The following HUNK variants were observed in gnomAD, a reference collection of about 807,000 sequenced individuals.
HUNK encodes hormonally up-regulated neu tumor-associated kinase.
HUNK carries 21 observed loss-of-function variants against 61.0 expected under a neutral mutation model. The ratio of observed to expected loss-of-function variants is 0.34; its 90% CI spans 0.24 to 0.50. The LOEUF is 0.50. Ranked by LOEUF, HUNK falls within the 20% of genes least tolerant of loss-of-function variation. The pLI is 0.98. For missense variants in HUNK, 772 were observed against 945.7 expected, an observed-to-expected ratio of 0.82 and a Z score of 2.41; for synonymous variants, 371 against 386.1, an observed-to-expected ratio of 0.96 and a Z score of 0.46.
intron 1 of HUNK, among the ~76,000 whole-genome samples, chr21:31,902,450 C>T (rs1055225408): frequency 4.6e-5 from 7 of 152,036 alleles, no homozygotes; most frequent in Non-Finnish European, 8.8e-5. Flanking sequence ...ACGGAGGTTG[C>T]GGTGAGCCAA....
Position 31,873,702 on chromosome 21 carries a change from C to G in HUNK, c.28C>G (p.Leu10Val). Reference protein sequence around the residue: MPAAAGDGLLGEPAAPGGGG... With the variant: MPAAAGDGLVGEPAAPGGGG... ...GCCGGCGGCGGCGGGGGACGGGCTCCTGGGGGAGCCGGCGGCGCCTGGGGG... is the reference window on the plus strand; with the variant it reads ...GCCGGCGGCGGCGGGGGACGGGCTCGTGGGGGAGCCGGCGGCGCCTGGGGG... Residue 10 changes from leucine to valine, a missense_variant, in exon 1 of 11, where the codon CTG (leucine) becomes GTG (valine). Leu to Val is a conservative substitution (Grantham distance 32). This residue lies in a region of HUNK where 359 missense variants were observed against 501.3 expected (regional missense o/e 0.72). Coordinates refer to ENST00000270112, the MANE Select transcript of HUNK (RefSeq NM_014586.2). The surrounding 1 kb of genome is among the most constrained non-coding windows in gnomAD (Gnocchi z 6.1). 8.8e-7 allele frequency: 1 copy of G among 1,141,204 alleles called. No homozygotes were observed. The highest frequency in any genetic ancestry group is 1.1e-6 in the Non-Finnish European group (1 of 932,098). The allele number at this position is 1,141,204 out of a possible 1,614,324, so 70.7% of individuals were successfully genotyped here.
intron 1 of HUNK, among the ~76,000 whole-genome samples, chr21:31,890,922 T>G (rs991590770): frequency 4.6e-5 from 7 of 152,190 alleles, no homozygotes; most frequent in African/African-American, 1.2e-4. Context: ...CTTATTGGTT[T>G]ATAGAAACTC....
intron 1 of HUNK, among the ~76,000 whole-genome samples, chr21:31,920,030 G>A (rs2052612905): frequency 6.6e-6 from 1 of 152,182 alleles, no homozygotes; most frequent in East Asian, 1.9e-4. Context: ...AAAAAGTATT[G>A]GCAGGGCCAC....
In HUNK at chr21:31,998,881, T is replaced by G; in HGVS notation, c.1842T>G (p.Pro614=). 6.2e-7 allele frequency: 1 copy of G among 1,614,174 alleles called. No homozygotes were observed. Among genetic ancestry groups the G allele is most frequent in the Non-Finnish European group, 8.5e-7 (1 of 1,180,030 alleles). Residue 614 remains proline, a synonymous_variant, in exon 11 of 11, where the codon CCT becomes CCG. Transcript: ENST00000270112. ...PSGSMSPLHT[P]LHPTLVSFAH... is the part of the protein sequence containing the mutation. ...GAAGCATGTCGCCTCTCCATACTCC[T>G]TTGCATCCAACTCTGGTCTCTTTTG...
chr21:31,974,512 T>G, intron 6 of HUNK, 43 bp from the exon 7 acceptor site: 1 of 1,567,124 alleles, frequency 6.4e-7, no homozygotes, highest in African/African-American at 1.4e-5. Flanking sequence ...GGGCTCTCCG[T>G]GAAGTGCAGG....
At chr21:31,908,615 C>A (rs1050923997) in intron 1 of HUNK, among the ~76,000 whole-genome samples, 1 of 152,148 alleles carries the variant, frequency 6.6e-6, no homozygotes, top group Non-Finnish European at 1.5e-5. Context: ...CTGCCCACCA[C>A]GTCGGGGTGT....
intron 5 of HUNK, among the ~76,000 whole-genome samples, chr21:31,961,735 A>G (rs1039577752): frequency 1.3e-5 from 2 of 152,218 alleles, no homozygotes; most frequent in Non-Finnish European, 2.9e-5. Context: ...TTGAGGGTTC[A>G]GAGCCTGTTT....
At chr21:31,998,418 C>T in intron 10 of HUNK, 108 bp from the exon 11 acceptor site, 9 of 1,106,242 alleles carry the variant, frequency 8.1e-6, no homozygotes, top group South Asian at 1.5e-5. Flanking sequence ...TTTCTTCTGA[C>T]CTTGGCGGGA....
chr21:31,992,085 G>A (rs551562819), intron 9 of HUNK, among the ~76,000 whole-genome samples: 55 of 152,376 alleles, frequency 3.6e-4, no homozygotes, highest in African/African-American at 1.3e-3. Context: ...GGACTGCCGA[G>A]CTGTGACCAT....
intron 5 of HUNK, 64 bp from the exon 6 acceptor site, chr21:31,968,186 G>A: frequency 8.1e-6 from 13 of 1,601,110 alleles, no homozygotes; most frequent in Non-Finnish European, 1.1e-5. Context: ...CTGTGATGGT[G>A]GCTTTCACTG....
At chr21:31,925,810 A>C (rs944271289) in intron 2 of HUNK, among the ~76,000 whole-genome samples, 2 of 152,250 alleles carry the variant, frequency 1.3e-5, no homozygotes, top group African/African-American at 4.8e-5. Context: ...TTAAAGAAAT[A>C]AAAGCTCCCT....
intron 1 of HUNK, among the ~76,000 whole-genome samples, chr21:31,889,726 TG>T (rs2052372979): frequency 6.6e-6 from 1 of 152,196 alleles, no homozygotes; most frequent in Non-Finnish European, 1.5e-5. Context: ...GGGAAGGTGC[TG>T]GATGGCTATT....
intron 1 of HUNK, among the ~76,000 whole-genome samples, chr21:31,903,077 C>G (rs1226517266): frequency 6.6e-6 from 1 of 151,912 alleles, no homozygotes; most frequent in Non-Finnish European, 1.5e-5. Flanking sequence ...ACATTAAACT[C>G]TTTCTAACAT....
Position 31,983,575 on chromosome 21 carries a change from T to C in HUNK, c.1223T>C (p.Ile408Thr). The change falls in exon 8 of 11, where the codon ATA becomes ACA. Residue 408 changes from isoleucine to threonine, a missense_variant. Ile to Thr is a moderately conservative substitution (Grantham distance 89, BLOSUM62 -1). Transcript: ENST00000270112. The stretch of plus-strand genomic sequence containing the variant: ...TGCTACAAGACCCGGCTCTACCAGA[T>C]AGAAAAGTACAGGGCCCCCAAGGAG... Reference protein sequence around the residue: ...SLCYKTRLYQIEKYRAPKESY... With the variant: ...SLCYKTRLYQTEKYRAPKESY... 9 of 1,613,738 alleles carry C rather than the reference T, an allele frequency of 5.6e-6. No individual in the cohort carries two copies. The highest frequency in any genetic ancestry group is 6.8e-6 in the Non-Finnish European group (8 of 1,179,936).
chr21:31,999,166 G>T lies in HUNK; in HGVS notation c.2127G>T (p.Gly709=), dbSNP rs1197298284. The T allele has an allele frequency of 5.0e-6, 8 of 1,606,102 alleles. No homozygotes were observed. Among genetic ancestry groups the T allele is most frequent in the Non-Finnish European group, 5.1e-6 (6 of 1,176,058 alleles). Residue 709 remains glycine (G), a synonymous_variant, in exon 11 of 11, where the codon GGG becomes GGT. Transcript: ENST00000270112. ...ACCTTGCCTTTGACATGGCCGATGG[G>T]GTCAAGACCCAGTGCTAACTTGGGC... is the stretch of plus-strand genomic sequence containing the variant. ...PVNLAFDMAD[G]VKTQC is the part of the protein sequence containing the mutation.
At chr21:31,936,705 A>G (rs1274745896) in intron 2 of HUNK, among the ~76,000 whole-genome samples, 2 of 152,140 alleles carry the variant, frequency 1.3e-5, no homozygotes, top group Non-Finnish European at 2.9e-5. Context: ...GTTTTAGGAC[A>G]TTTCCTAGAT....
At chr21:31,954,085 G>A (rs1222612523) in intron 4 of HUNK, among the ~76,000 whole-genome samples, 1 of 152,138 alleles carries the variant, frequency 6.6e-6, no homozygotes, top group African/African-American at 2.4e-5. Flanking sequence ...TGGTGTCTCA[G>A]GGTCTCCTTC....
At chr21:31,910,155 C>T (rs532860074) in intron 1 of HUNK, among the ~76,000 whole-genome samples, 55 of 152,142 alleles carry the variant, frequency 3.6e-4, no homozygotes, top group Non-Finnish European at 6.9e-4. Flanking sequence ...GGGGCTAGTA[C>T]AGTAAATAAC....
intron 7 of HUNK, among the ~76,000 whole-genome samples, chr21:31,980,350 G>A (rs938728232): frequency 1.0e-4 from 15 of 149,730 alleles, no homozygotes; most frequent in East Asian, 2.0e-4. Flanking sequence ...GATTATAGGC[G>A]TGAGCCACCG....
Sources: gnomAD v4.1 joint callset for allele counts (sites outside exome capture counted in the v4.1 genomes callset) on GRCh38, gnomAD v4.1.1 for gene constraint, gnomAD v4.1.1 regional missense constraint, Gnocchi (gnomAD v3.1) non-coding constraint, MANE v1.5 for transcripts, NCBI Gene and HGNC (gene_info 2026-07-23, HGNC 2026-07-21) for gene names.